ARID4B: variants seen among roughly 807,000 people sequenced by gnomAD.
The protein encoded by ARID4B is AT-rich interactive domain-containing protein 4B.
In ARID4B, 26 loss-of-function variants were observed where a neutral mutation model predicts 147.5. The ratio of observed to expected loss-of-function variants is 0.18; its 90% confidence interval spans 0.13 to 0.24. The LOEUF (loss-of-function observed/expected upper bound fraction) is 0.24. Ranked by LOEUF, ARID4B falls within the 10% of genes least tolerant of loss-of-function variation. ARID4B has a pLI of 1.00. For missense variants in ARID4B, 1,179 were observed against 1,511.5 expected (o/e 0.78, Z 3.65); for synonymous variants, 512 against 507.9 (o/e 1.01, Z -0.11).
chr1:235,281,113 T>C (rs1376065537), intron 2 of ARID4B, among the ~76,000 whole-genome samples: 2 of 143,882 alleles, frequency 1.4e-5, no homozygotes, highest in African/African-American at 5.9e-5. Context: ...GACAACTCTA[T>C]ACAGCATGCT....
chr1:235,257,282 C>A, intron 3 of ARID4B, 57 bp from the exon 4 acceptor site: 1 of 1,079,462 alleles, frequency 9.3e-7, no homozygotes, highest in South Asian at 1.3e-5. Context: ...ACAAGCTCAT[C>A]AATGCACCAA....
intron 7 of ARID4B, among the ~76,000 whole-genome samples, chr1:235,242,977 T>C (rs1669084818): frequency 6.6e-6 from 1 of 152,178 alleles, no homozygotes; most frequent in South Asian, 2.1e-4. Context: ...AATTTACTTA[T>C]TTCTTATGTT....
At chr1:235,196,142 T>C (rs1445265076) in intron 17 of ARID4B, 27 bp from the exon 18 acceptor site, 3 of 1,170,266 alleles carry the variant, frequency 2.6e-6, no homozygotes, top group Non-Finnish European at 3.7e-6. Context: ...TTAATATAAA[T>C]ATGTACAATA....
chr1:235,214,090 CCACATATA>C, intron 16 of ARID4B, 64 bp from the exon 17 acceptor site: 1 of 1,516,364 alleles, frequency 6.6e-7, no homozygotes, highest in Non-Finnish European at 8.8e-7. Context: ...CAGTTCCAAA[CCACATATA>C]TTGATAAAAG....
intron 18 of ARID4B, 135 bp downstream of exon 18, chr1:235,195,892 AAATT>A (rs1665459793): frequency 9.9e-6 from 6 of 604,350 alleles, no homozygotes; most frequent in Non-Finnish European, 1.5e-5. Context: ...TAACCTGACA[AAATT>A]AATTATATAC....
chr1:235,262,669 G>A (rs984522780), intron 2 of ARID4B, among the ~76,000 whole-genome samples: 11 of 151,866 alleles, frequency 7.2e-5, no homozygotes, highest in African/African-American at 1.5e-4. Context: ...ACACCACTTC[G>A]CTCCAAAATC....
intron 2 of ARID4B, among the ~76,000 whole-genome samples, chr1:235,276,402 C>T (rs1671317592): frequency 6.6e-6 from 1 of 152,092 alleles, no homozygotes; most frequent in South Asian, 2.1e-4. Flanking sequence ...AATATATTTA[C>T]ACTTTTTAAA....
At chr1:235,302,469 A>C (rs189249658) in intron 2 of ARID4B, among the ~76,000 whole-genome samples, 73 of 152,282 alleles carry the variant, frequency 4.8e-4, no homozygotes, top group African/African-American at 1.7e-3. Flanking sequence ...AAAATATCTC[A>C]ATAATTTTGA....
At chr1:235,169,369 T>C (rs1298684532) in intron 23 of ARID4B, among the ~76,000 whole-genome samples, 2 of 151,310 alleles carry the variant, frequency 1.3e-5, no homozygotes, top group African/African-American at 2.4e-5. Flanking sequence ...GCCCCCCCAG[T>C]AGCTGGGACT....
chr1:235,301,802 C>A (rs1464280682), intron 2 of ARID4B, among the ~76,000 whole-genome samples: 1 of 151,776 alleles, frequency 6.6e-6, no homozygotes, highest in East Asian at 1.9e-4. Flanking sequence ...GCAACCTCTG[C>A]CTCCCAAGTT....
chr1:235,229,862 T>C (rs1189689451), intron 10 of ARID4B, among the ~76,000 whole-genome samples: 1 of 152,220 alleles, frequency 6.6e-6, no homozygotes, highest in Non-Finnish European at 1.5e-5. Context: ...AACAATTACC[T>C]TCAACTAAAA....
At position 235,196,684 on chromosome 1, in the gene ARID4B, T is replaced by A. The variant is rs1665513539; in HGVS notation, c.1842-569A>T. ...AACGCTAACACGGTGAAACCCCATC[T>A]CTACTAAAAATACAAAAAATTAGCC... On this transcript the variant is annotated intron_variant, in intron 17 of 23. Coordinates refer to ENST00000264183, the MANE Select transcript of ARID4B (RefSeq NM_016374.6). 2.6e-5 allele frequency among the ~76,000 whole-genome samples: 4 copies of A among 151,828 alleles called. No individual in the cohort carries two copies. The South Asian group carries it at 8.3e-4, about 32-fold the overall frequency.
chr1:235,212,690 G>A lies in ARID4B; in HGVS notation c.1841+1079C>T, dbSNP rs192732937. On this transcript the variant is annotated intron_variant, in intron 17 of 23. Coordinates refer to ENST00000264183, the MANE Select transcript of ARID4B (RefSeq NM_016374.6). ...TTTCTATGAGTACATTTATATGTATGTGAAAGTAGAATGAAAAGTTAGTAA... is the reference window on the plus strand; with the variant it reads ...TTTCTATGAGTACATTTATATGTATATGAAAGTAGAATGAAAAGTTAGTAA... Among the ~76,000 whole-genome samples the A allele has an allele frequency of 2.6e-5, 4 of 152,268 alleles. No individual in the cohort carries two copies. In the East Asian group the frequency reaches 7.7e-4, roughly 29 times the overall value.
At chr1:235,211,458 A>C (rs1401151398) in intron 17 of ARID4B, among the ~76,000 whole-genome samples, 1 of 152,228 alleles carries the variant, frequency 6.6e-6, no homozygotes, top group Admixed American at 6.5e-5. Context: ...AAAGGCCAAG[A>C]GGAAAAACTG....
At chr1:235,264,992 G>A (rs59044136) in intron 2 of ARID4B, among the ~76,000 whole-genome samples, 4,158 of 146,208 alleles carry the variant, frequency 0.028, 218 homozygotes, top group African/African-American at 0.1. Flanking sequence ...CTCAGGAGGC[G>A]GAGGTTGCAG....
At position 235,181,748 on chromosome 1, in the gene ARID4B, C is replaced by A. The variant is rs756679618; in HGVS notation, c.3171G>T (p.Glu1057Asp). 1 of 1,614,142 alleles carries A rather than the reference C, an allele frequency of 6.2e-7. No homozygotes were observed. The highest frequency in any genetic ancestry group is 1.3e-5 in the African/African-American group (1 of 75,034). Residue 1057 changes from glutamate (E) to aspartate (D), a missense_variant, in exon 20 of 24, where the codon GAG becomes GAT. Glu to Asp is a conservative substitution (Grantham distance 45, BLOSUM62 2). Around this residue, in one of 10 missense-constraint regions of ARID4B, gnomAD observed 357 missense variants for 427.3 expected, o/e 0.84. Transcript: ENST00000264183. ...CAGTTTCACTCTTGATACTTCGAAC[C>A]TCTTCTTGGTTTGGAGCCAGTGGTT... ...VSEPLAPNQE[E>D]VRSIKSETDS...
At chr1:235,227,299 T>C (rs180808683) in intron 11 of ARID4B, among the ~76,000 whole-genome samples, 54 of 152,246 alleles carry the variant, frequency 3.5e-4, no homozygotes, top group Admixed American at 1.7e-3. Context: ...GCTTAACTTT[T>C]ACAGTGACAA....
At chr1:235,224,345 T>C (rs1044939592) in intron 12 of ARID4B, among the ~76,000 whole-genome samples, 2 of 152,218 alleles carry the variant, frequency 1.3e-5, no homozygotes, top group Non-Finnish European at 2.9e-5. Context: ...GCAGATTAAA[T>C]AAGCTGAGCC....
chr1:235,258,311 G>A (rs1349476125), intron 3 of ARID4B, among the ~76,000 whole-genome samples: 1 of 152,136 alleles, frequency 6.6e-6, no homozygotes, highest in Non-Finnish European at 1.5e-5. Flanking sequence ...CAGCCTGGGG[G>A]ACAGGGCAAG....
Sources: allele counts gnomAD v4.1 joint callset (sites outside exome capture counted in the v4.1 genomes callset), GRCh38; gene constraint gnomAD v4.1.1; regional missense constraint gnomAD v4.1.1; transcripts MANE v1.5; gene names NCBI Gene and HGNC (gene_info 2026-07-23, HGNC 2026-07-21).